Variants in ATP10B observed in about 807,000 individuals in gnomAD.
ATP10B encodes phospholipid-transporting ATPase VB.
A neutral mutation model predicts 141.2 loss-of-function variants in ATP10B; 122 were observed. That is an observed-to-expected ratio of 0.86 (90% CI 0.75 to 1.00). The LOEUF (loss-of-function observed/expected upper bound fraction) is 1.00. Ranked by LOEUF, ATP10B falls within the 50% of genes least tolerant of loss-of-function variation. ATP10B has a pLI of 0.00. For synonymous variants in ATP10B, 685 were observed against 692.0 expected (o/e 0.99, Z 0.16); for missense variants, 1,876 against 1,825.3 (o/e 1.03, Z -0.51).
the ATP10B span, among the ~76,000 whole-genome samples, chr5:160,899,688 C>A: frequency 2.0e-5 from 3 of 152,100 alleles, no homozygotes; most frequent in African/African-American, 7.2e-5. Context: ...ATAAGCAAAA[C>A]CAGTTTATTA....
intron 1 of ATP10B, among the ~76,000 whole-genome samples, chr5:160,802,662 T>G (rs956167157): frequency 4.6e-5 from 7 of 152,224 alleles, no homozygotes; most frequent in African/African-American, 1.7e-4. Context: ...TACCTACTGC[T>G]TAAGGCACTT....
chr5:160,886,217 G>A, the ATP10B span, among the ~76,000 whole-genome samples: 1 of 152,188 alleles, frequency 6.6e-6, no homozygotes. Context: ...AAAGTGAGAG[G>A]TGGATAAGGC....
chr5:160,620,341 A>C lies in ATP10B; in HGVS notation c.2416+6T>G. 6.2e-7 allele frequency: 1 copy of C among 1,601,952 alleles called. No homozygotes were observed. Among genetic ancestry groups the C allele is most frequent in the Non-Finnish European group, 8.5e-7 (1 of 1,173,396 alleles). The stretch of plus-strand genomic sequence containing the variant: ...GTGCCTGGAACCCTGGTAAGGCAGG[A>C]CTCACCGCAGGCTGGGTCTTCCAGC... On this transcript the variant is annotated splice_donor_region_variant and intron_variant, in intron 15 of 25. Transcript: ENST00000327245.
chr5:160,879,744 A>T, the ATP10B span, among the ~76,000 whole-genome samples: 1 of 152,086 alleles, frequency 6.6e-6, no homozygotes, highest in Non-Finnish European at 1.5e-5. Context: ...AGGCTGAGGC[A>T]GGGGAATGGC....
At chr5:160,923,569 T>C in the ATP10B span, among the ~76,000 whole-genome samples, 7 of 152,190 alleles carry the variant, frequency 4.6e-5, no homozygotes, top group Non-Finnish European at 8.8e-5. Flanking sequence ...GGAAAATGCA[T>C]TTATTCGTGA....
intron 2 of ATP10B, among the ~76,000 whole-genome samples, chr5:160,746,461 G>A (rs1335733954): frequency 6.6e-6 from 1 of 150,498 alleles, no homozygotes; most frequent in Non-Finnish European, 1.5e-5. Context: ...GTGTGATCTT[G>A]GCTCACTGCA....
chr5:160,915,031 A>G, the ATP10B span, among the ~76,000 whole-genome samples: 2 of 152,240 alleles, frequency 1.3e-5, no homozygotes, highest in Non-Finnish European at 2.9e-5. Flanking sequence ...TAAAGACCAT[A>G]GTGCCTGCAA....
intron 1 of ATP10B, among the ~76,000 whole-genome samples, chr5:160,832,005 T>C (rs894549338): frequency 6.6e-6 from 1 of 152,138 alleles, no homozygotes; most frequent in Non-Finnish European, 1.5e-5. Flanking sequence ...ATGGGAGCTG[T>C]GTTCCACAAA....
chr5:160,689,019 G>A lies in ATP10B; in HGVS notation c.-204-76C>T. On this transcript the variant is annotated intron_variant, in intron 3 of 25. Coordinates refer to ENST00000327245, the MANE Select transcript of ATP10B (RefSeq NM_025153.3). ...ATGCTGCTTTACAGCACATCAAAAA[G>A]CTTGTCCACCACCATCGAGTCAGCT... 3.7e-6 allele frequency: 3 copies of A among 820,438 alleles called. No individual in the cohort carries two copies. In the South Asian group the frequency reaches 1.7e-4, roughly 45 times the overall value. The allele number at this position is 820,438 out of a possible 1,614,324, so 50.8% of individuals were successfully genotyped here.
At chr5:160,795,900 G>A (rs767171573) in intron 1 of ATP10B, among the ~76,000 whole-genome samples, 3 of 152,126 alleles carry the variant, frequency 2.0e-5, no homozygotes, top group Non-Finnish European at 4.4e-5. Context: ...GTAAGAGAAT[G>A]CATTTCTGTT....
At chr5:160,772,082 C>T (rs543818636) in intron 2 of ATP10B, among the ~76,000 whole-genome samples, 43 of 152,332 alleles carry the variant, frequency 2.8e-4, no homozygotes, top group Non-Finnish European at 5.0e-4. Context: ...CTGCAGTGAA[C>T]GTGAGAGCAG....
At chr5:160,650,185 T>C (rs749367960) in intron 7 of ATP10B, among the ~76,000 whole-genome samples, 2 of 151,106 alleles carry the variant, frequency 1.3e-5, no homozygotes, top group African/African-American at 4.9e-5. Context: ...CATATATATA[T>C]ACATGTACAC....
At chr5:160,865,841 T>C in the ATP10B span, among the ~76,000 whole-genome samples, 3 of 152,024 alleles carry the variant, frequency 2.0e-5, no homozygotes, top group Admixed American at 2.0e-4. Context: ...ATCAGGGAAA[T>C]GCAAATCAAA....
Position 160,612,788 on chromosome 5 carries a change from G to A in ATP10B, c.2791C>T (p.Leu931=), listed in dbSNP as rs1354026274. The change falls in exon 18 of 26, where the codon CTG becomes TTG. Residue 931 remains leucine (L), a synonymous_variant. Transcript: ENST00000327245. ...TAAACAGTGTCGGTCTGATTTAACA[G>A]TCTGCAGGAATGGGCAATGTTGACC... The part of the protein sequence containing the change: ...TAVNIAHSCR[L]LNQTDTVYTI... 1.2e-6 allele frequency: 2 copies of A among 1,613,934 alleles called. No homozygotes were observed. Among genetic ancestry groups the A allele is most frequent in the Admixed American group, 1.7e-5 (1 of 59,994 alleles).
At chr5:160,781,512 G>T (rs1239031312) in intron 2 of ATP10B, among the ~76,000 whole-genome samples, 1 of 152,116 alleles carries the variant, frequency 6.6e-6, no homozygotes, top group African/African-American at 2.4e-5. Context: ...CACCCTTGCT[G>T]CTCTGGGAAG....
At chr5:160,840,545 A>G (rs1268444435) in intron 1 of ATP10B, among the ~76,000 whole-genome samples, 1 of 152,132 alleles carries the variant, frequency 6.6e-6, no homozygotes, top group Non-Finnish European at 1.5e-5. Flanking sequence ...CATATCATAT[A>G]TAGGAAAATA....
At chr5:160,705,941 T>C (rs554111533) in intron 3 of ATP10B, among the ~76,000 whole-genome samples, 96 of 152,312 alleles carry the variant, frequency 6.3e-4, no homozygotes, top group African/African-American at 2.3e-3. Flanking sequence ...CTTGAACACT[T>C]AGAGGCCATT....
chr5:160,851,500 T>C (rs1229218049), intron 1 of ATP10B, among the ~76,000 whole-genome samples: 5 of 152,182 alleles, frequency 3.3e-5, no homozygotes, highest in Non-Finnish European at 5.9e-5. Flanking sequence ...TACTGCAATA[T>C]GGCAGCTTCA....
At chr5:160,899,596 T>C in the ATP10B span, among the ~76,000 whole-genome samples, 1 of 152,222 alleles carries the variant, frequency 6.6e-6, no homozygotes, top group Non-Finnish European at 1.5e-5. Context: ...AAAAAAGATT[T>C]ATACTTTTCA....
Sources: allele counts gnomAD v4.1 joint callset (sites outside exome capture counted in the v4.1 genomes callset), GRCh38; gene constraint gnomAD v4.1.1; transcripts MANE v1.5; gene names NCBI Gene and HGNC (gene_info 2026-07-23, HGNC 2026-07-21).